CDK14: variants seen among roughly 807,000 people sequenced by gnomAD.
CDK14 encodes the protein cyclin dependent kinase 14, also known as cyclin-dependent kinase 14.
Under a neutral mutation model 60.7 loss-of-function variants are expected in CDK14, and 34 were observed. The observed-to-expected ratio is 0.56, with a 90% CI of 0.43 to 0.75. The LOEUF is 0.75. CDK14 is among the 30% of genes least tolerant of loss of function. The pLI, the probability that CDK14 is intolerant of heterozygous loss-of-function variation, is 0.00. For synonymous variants in CDK14, 197 were observed against 203.7 expected (o/e 0.97, Z 0.28); for missense variants, 482 against 564.1 (o/e 0.85, Z 1.47).
intron 5 of CDK14, among the ~76,000 whole-genome samples, chr7:90,817,878 A>G (rs888693062): frequency 2.6e-5 from 4 of 152,008 alleles, no homozygotes; most frequent in Admixed American, 6.6e-5. Context: ...ATACATTTGG[A>G]TTATTCCGGA....
At chr7:90,682,428 G>A (rs532443332) in intron 2 of CDK14, among the ~76,000 whole-genome samples, 1 of 152,204 alleles carries the variant, frequency 6.6e-6, no homozygotes, top group East Asian at 1.9e-4. Flanking sequence ...TCGGTCTATT[G>A]TGTGTGTATA....
intron 6 of CDK14, among the ~76,000 whole-genome samples, chr7:90,875,406 C>G (rs1255945718): frequency 6.6e-6 from 1 of 152,172 alleles, no homozygotes; most frequent in Non-Finnish European, 1.5e-5. Flanking sequence ...ATAACTCTAT[C>G]TTTCAGCTTT....
chr7:90,671,289 CT>C (rs201022256), intron 2 of CDK14, among the ~76,000 whole-genome samples: 112 of 147,192 alleles, frequency 7.6e-4, no homozygotes, highest in Admixed American at 1.2e-3. Flanking sequence ...CAGGAGATGA[CT>C]TTTTTTTTTT....
intron 10 of CDK14, among the ~76,000 whole-genome samples, chr7:91,023,602 A>C (rs1201952199): frequency 6.6e-6 from 1 of 152,184 alleles, no homozygotes; most frequent in Non-Finnish European, 1.5e-5. Context: ...AGATAGACAA[A>C]TTATTTTAAT....
At chr7:90,955,007 T>G (rs1794370166) in intron 8 of CDK14, among the ~76,000 whole-genome samples, 1 of 151,946 alleles carries the variant, frequency 6.6e-6, no homozygotes, top group Admixed American at 6.6e-5. Context: ...GAGGTCAAAT[T>G]GCGTATACCT....
chr7:90,830,501 G>C (rs2117108891), intron 5 of CDK14, among the ~76,000 whole-genome samples: 1 of 152,320 alleles, frequency 6.6e-6, no homozygotes, highest in African/African-American at 2.4e-5. Flanking sequence ...GGGAGGGGCT[G>C]CTGCAAAGAT....
chr7:90,889,923 T>A (rs2117314430), intron 6 of CDK14, among the ~76,000 whole-genome samples: 1 of 152,366 alleles, frequency 6.6e-6, no homozygotes, highest in Non-Finnish European at 1.5e-5. Context: ...AATTATAATC[T>A]TGTCTTCAGA....
At chr7:90,731,655 G>A (rs985034677) in intron 3 of CDK14, among the ~76,000 whole-genome samples, 1 of 152,158 alleles carries the variant, frequency 6.6e-6, no homozygotes, top group East Asian at 1.9e-4. Flanking sequence ...TGTTATTGGT[G>A]TATAGGAATG....
At chr7:90,844,888 T>C (rs1464753463) in intron 5 of CDK14, among the ~76,000 whole-genome samples, 1 of 152,076 alleles carries the variant, frequency 6.6e-6, no homozygotes, top group Non-Finnish European at 1.5e-5. Context: ...AGATAACCCT[T>C]CCCCATCTCT....
At position 90,743,012 on chromosome 7, in the gene CDK14, T is replaced by C. The variant is rs1461372386; in HGVS notation, c.370-4669T>C. On this transcript the variant is annotated intron_variant, in intron 3 of 14. Transcript: ENST00000380050. ...ATGTTTCATATATAGCTTATATGCA[T>C]AGCCTGAATGTAATTTTATACAATA... 2.6e-5 allele frequency among the ~76,000 whole-genome samples: 4 copies of C among 152,130 alleles called. No homozygotes were observed. In the East Asian group the frequency reaches 5.8e-4, roughly 22 times the overall value.
chr7:90,637,472 T>C (rs1465899141), intron 2 of CDK14, among the ~76,000 whole-genome samples: 1 of 151,736 alleles, frequency 6.6e-6, no homozygotes, highest in Non-Finnish European at 1.5e-5. Flanking sequence ...TCCTGAGTTC[T>C]AGTTTGATTG....
At chr7:90,605,751 A>T (rs1477887692) in intron 2 of CDK14, among the ~76,000 whole-genome samples, 1 of 152,178 alleles carries the variant, frequency 6.6e-6, no homozygotes, top group Non-Finnish European at 1.5e-5. Context: ...TCCGTGTTTT[A>T]AAAAAAGCAG....
At chr7:90,914,419 A>G (rs893728850) in intron 7 of CDK14, among the ~76,000 whole-genome samples, 2 of 152,158 alleles carry the variant, frequency 1.3e-5, no homozygotes, top group Non-Finnish European at 2.9e-5. Context: ...TGTCTGTCAC[A>G]CTGAGTTAGC....
At chr7:91,205,692 T>G (rs953592198) in intron 14 of CDK14, among the ~76,000 whole-genome samples, 2 of 152,194 alleles carry the variant, frequency 1.3e-5, no homozygotes, top group African/African-American at 4.8e-5. Flanking sequence ...TTTATATAAA[T>G]TTTGCTTCAA....
chr7:90,934,834 A>G (rs1344306380), intron 8 of CDK14, among the ~76,000 whole-genome samples: 1 of 152,248 alleles, frequency 6.6e-6, no homozygotes, highest in Admixed American at 6.5e-5. Context: ...GCTAACTTCA[A>G]ACTAAACTGC....
chr7:91,152,273 C>A (rs979537728), intron 14 of CDK14, among the ~76,000 whole-genome samples: 3 of 152,098 alleles, frequency 2.0e-5, no homozygotes, highest in East Asian at 1.9e-4. Context: ...AGTCAAAATT[C>A]TTTTTTGTCT....
At chr7:90,683,897 C>CGTGT (rs35197919) in intron 2 of CDK14, among the ~76,000 whole-genome samples, 11,641 of 145,662 alleles carry the variant, frequency 0.08, 494 homozygotes, top group Middle Eastern at 0.12. Context: ...AGAAAATGTA[C>CGTGT]GTGTGTGTGT....
chr7:91,202,983 C>T (rs1802777111), intron 14 of CDK14, among the ~76,000 whole-genome samples: 1 of 152,208 alleles, frequency 6.6e-6, no homozygotes, highest in Non-Finnish European at 1.5e-5. Context: ...CAAGAACAAA[C>T]ATCATCGATG....
intron 14 of CDK14, among the ~76,000 whole-genome samples, chr7:91,153,632 G>A (rs569903079): frequency 1.2e-3 from 179 of 152,162 alleles, no homozygotes; most frequent in Middle Eastern, 6.8e-3. Context: ...ATGCAGGAAC[G>A]GAAAATCAAA....
Sources: allele counts gnomAD v4.1 joint callset (sites outside exome capture counted in the v4.1 genomes callset), GRCh38; gene constraint gnomAD v4.1.1; transcripts MANE v1.5; gene names NCBI Gene and HGNC (gene_info 2026-07-23, HGNC 2026-07-21).